The following TEKT4 variants were observed in gnomAD, a reference collection of about 807,000 sequenced individuals.
TEKT4 encodes the protein tektin 4, also known as tektin-4.
TEKT4 carries 46 observed loss-of-function variants against 46.0 expected under a neutral mutation model. That is an observed-to-expected ratio of 1.00 (90% CI 0.79 to 1.28). TEKT4 has a LOEUF of 1.28. TEKT4 is among the 50% of genes most tolerant of loss of function. The pLI is 0.00. For synonymous variants in TEKT4, 325 were observed against 265.8 expected (o/e 1.22, Z -2.17); for missense variants, 790 against 622.9 (o/e 1.27, Z -2.85).
intron 3 of TEKT4, among the ~76,000 whole-genome samples, chr2:94,874,469 C>A (rs1306732181): frequency 9.8e-6 from 1 of 102,444 alleles, no homozygotes; most frequent in African/African-American, 4.0e-5. Flanking sequence ...AGGGGGGCTG[C>A]GGGGGCCGGA....
intron 1 of TEKT4, 86 bp downstream of exon 1, chr2:94,872,163 G>C (rs1553394855): frequency 6.9e-7 from 1 of 1,447,290 alleles, no homozygotes; most frequent in Non-Finnish European, 9.1e-7. Context: ...AAGCCACGTG[G>C]CTGCTGCAAG....
At chr2:94,873,375 A>G in intron 1 of TEKT4, 145 bp from the exon 2 acceptor site, 2 of 1,496,232 alleles carry the variant, frequency 1.3e-6, no homozygotes, top group Non-Finnish European at 8.9e-7. Flanking sequence ...ACCCAGTGAG[A>G]GAGCAGAACT....
chr2:94,873,716 G>A (rs1186944484), intron 2 of TEKT4, 126 bp downstream of exon 2: 18 of 1,368,562 alleles, frequency 1.3e-5, no homozygotes, highest in Admixed American at 1.1e-4. Flanking sequence ...ACAGTGGAGC[G>A]CAGGACTGGG....
chr2:94,874,776 C>A lies in TEKT4; in HGVS notation c.714C>A (p.Ser238Arg), dbSNP rs782716982. 4 of 1,570,100 alleles carry A rather than the reference C, an allele frequency of 2.5e-6. No individual in the cohort carries two copies. Among genetic ancestry groups the A allele is most frequent in the South Asian group, 1.2e-5 (1 of 86,272 alleles). ...CTCCTGGCTGTCCCCCGCCCCGCAGCGCCTCCACCCCGGAGACCCGGGCCA... is the reference window on the plus strand; with the variant it reads ...CTCCTGGCTGTCCCCCGCCCCGCAGAGCCTCCACCCCGGAGACCCGGGCCA... Reference protein sequence around the residue: ...AHPYSTTFQESASTPETRAKF... With the variant: ...AHPYSTTFQERASTPETRAKF... Residue 238 changes from serine to arginine, a missense_variant and splice_region_variant, in exon 4 of 6, where the codon AGC (serine) becomes AGA (arginine). Ser to Arg is a moderately radical substitution (Grantham distance 110). Coordinates refer to ENST00000295201, the MANE Select transcript of TEKT4 (RefSeq NM_144705.4).
rs76125507 is a variant in TEKT4, at chr2:94,871,963, C to A, written c.384C>A (p.Arg128=). 9 of 1,601,012 alleles carry A rather than the reference C, an allele frequency of 5.6e-6. No individual in the cohort carries two copies. The highest frequency in any genetic ancestry group is 7.6e-6 in the Non-Finnish European group (9 of 1,177,094). ...TGGCCCAGAAGCAACGGCTGGAGCG[C>A]GCCCTGGACGCCACAGAGGTGCCCT... is the stretch of plus-strand genomic sequence containing the variant. The part of the protein sequence containing the change: ...LLLAQKQRLE[R]ALDATEVPFS... The change falls in exon 1 of 6, where the codon CGC becomes CGA. Residue 128 remains arginine (R), a synonymous_variant. Transcript: ENST00000295201.
Position 94,871,944 on chromosome 2 carries a change from A to G in TEKT4, c.365A>G (p.Gln122Arg). The G allele has an allele frequency of 1.2e-6, 2 of 1,601,614 alleles. No homozygotes were observed. Among genetic ancestry groups the G allele is most frequent in the Non-Finnish European group, 1.7e-6 (2 of 1,177,840 alleles). ...GCGGAGACCAACTTGCTCCTGGCCC[A>G]GAAGCAACGGCTGGAGCGCGCCCTG... ...LAAETNLLLA[Q>R]KQRLERALDA... The change falls in exon 1 of 6, where the codon CAG (glutamine) becomes CGG (arginine). Residue 122 changes from glutamine (Q) to arginine (R), a missense_variant. Transcript: ENST00000295201.
At chr2:94,875,912 C>A (rs113787473) in intron 5 of TEKT4, among the ~76,000 whole-genome samples, 170 bp downstream of exon 5, 10 of 152,212 alleles carry the variant, frequency 6.6e-5, no homozygotes, top group Non-Finnish European at 1.0e-4. Flanking sequence ...AACACACAGA[C>A]ATACACATGA....
chr2:94,874,100 C>T lies in TEKT4; in HGVS notation c.705C>T (p.Phe235=). 6.2e-7 allele frequency: 1 copy of T among 1,613,474 alleles called. No individual in the cohort carries two copies. The highest frequency in any genetic ancestry group is 1.1e-5 in the South Asian group (1 of 91,072). Residue 235 remains phenylalanine (F), a synonymous_variant, in exon 3 of 6, where the codon TTC becomes TTT. Coordinates refer to ENST00000295201, the MANE Select transcript of TEKT4 (RefSeq NM_144705.4). ...AGGCTCATCCGTACTCCACCACCTT[C>T]CAAGAGAGGTGGGCCCCAGCTCTGC... ...EVQAHPYSTT[F]QESASTPETR... is the part of the protein sequence containing the mutation.
chr2:94,872,314 C>T, intron 1 of TEKT4: 1 of 595,620 alleles, frequency 1.7e-6, no homozygotes, highest in Non-Finnish European at 2.9e-6. Flanking sequence ...CCCTTTGAGT[C>T]CTGGCACAGT....
chr2:94,871,919 G>A lies in TEKT4; in HGVS notation c.340G>A (p.Ala114Thr). The A allele has an allele frequency of 6.3e-7, 1 of 1,598,484 alleles. No individual in the cohort carries two copies. Among genetic ancestry groups the A allele is most frequent in the African/African-American group, 1.3e-5 (1 of 74,954 alleles). Residue 114 changes from alanine (A) to threonine (T), a missense_variant, in exon 1 of 6, where the codon GCG becomes ACG. Coordinates refer to ENST00000295201, the MANE Select transcript of TEKT4 (RefSeq NM_144705.4). ...ELQREMEALA[A>T]ETNLLLAQKQ... ...GCAGCGTGAGATGGAGGCGCTGGCT[G>A]CGGAGACCAACTTGCTCCTGGCCCA...
chr2:94,874,727 C>A (rs782446314), intron 3 of TEKT4, 49 bp from the exon 4 acceptor site: 1 of 1,482,460 alleles, frequency 6.7e-7, no homozygotes, highest in Non-Finnish European at 9.0e-7. Flanking sequence ...GGCTCCCAGC[C>A]TTCGGCAGAG....
chr2:94,873,906 G>A, intron 2 of TEKT4, 59 bp from the exon 3 acceptor site: 2 of 1,603,198 alleles, frequency 1.2e-6, no homozygotes, highest in Non-Finnish European at 1.7e-6. Flanking sequence ...GCAGCACAGA[G>A]GGTCCCCAGC....
At chr2:94,872,277 C>T (rs1363902375) in intron 1 of TEKT4, 200 bp downstream of exon 1, 7 of 651,080 alleles carry the variant, frequency 1.1e-5, no homozygotes, top group Non-Finnish European at 1.8e-5. Context: ...GACTTCCAAG[C>T]AGCTGTTTCT....
At position 94,875,578 on chromosome 2, in the gene TEKT4, C is replaced by G. The variant is rs1262007735; in HGVS notation, c.937-10C>G. ...GGGCACAGGCCCAAGGAGAACTGTC[C>G]TGTCTGCAGACACTGCGGGAAATCA... On this transcript the variant is annotated splice_polypyrimidine_tract_variant and intron_variant, in intron 4 of 5. Coordinates refer to ENST00000295201, the MANE Select transcript of TEKT4 (RefSeq NM_144705.4). 1 of 1,613,962 alleles carries G rather than the reference C, an allele frequency of 6.2e-7. No homozygotes were observed. Among genetic ancestry groups the G allele is most frequent in the Non-Finnish European group, 8.5e-7 (1 of 1,179,918 alleles).
At chr2:94,874,597 G>A (rs1417008649) in intron 3 of TEKT4, among the ~76,000 whole-genome samples, 179 bp from the exon 4 acceptor site, 9 of 151,896 alleles carry the variant, frequency 5.9e-5, no homozygotes, top group Non-Finnish European at 7.4e-5. Context: ...TTGTGGCCAG[G>A]GGGCACTCGG....
Position 94,871,638 on chromosome 2 carries a change from A to T in TEKT4, c.59A>T (p.Asn20Ile). The change falls in exon 1 of 6, where the codon AAC becomes ATC. Residue 20 changes from asparagine (N) to isoleucine (I), a missense_variant. By Grantham distance (149) the Asn-to-Ile change is moderately radical. Coordinates refer to ENST00000295201, the MANE Select transcript of TEKT4 (RefSeq NM_144705.4). ...LPCKEYDVAR[N>I]TGAYTSSGLA... The stretch of plus-strand genomic sequence containing the variant: ...TGCAAAGAGTACGACGTGGCCCGTA[A>T]CACGGGCGCCTACACGTCCTCCGGC... The T allele has an allele frequency of 6.2e-7, 1 of 1,612,480 alleles. No individual in the cohort carries two copies. The highest frequency in any genetic ancestry group is 2.2e-5 in the East Asian group (1 of 44,866).
At chr2:94,872,497 C>A (rs1680622821) in intron 1 of TEKT4, 1 of 320,054 alleles carries the variant, frequency 3.1e-6, no homozygotes, top group African/African-American at 2.1e-5. Context: ...CTATACAGAG[C>A]CGGGGACACA....
rs782312150 is a variant in TEKT4 at position 94,872,053 on chromosome 2, C to G, written c.474C>G (p.Asp158Glu). The change falls in exon 1 of 6, where the codon GAC becomes GAG. Residue 158 changes from aspartate to glutamate, a missense_variant. Physicochemically the swap from Asp to Glu is conservative, Grantham distance 45 (BLOSUM62 2). Coordinates refer to ENST00000295201, the MANE Select transcript of TEKT4 (RefSeq NM_144705.4). Reference protein sequence around the residue: ...ERREHPNLVRDHVETELLKEA... With the variant: ...ERREHPNLVREHVETELLKEA... ...GCGAGCACCCCAACCTCGTGCGCGA[C>G]CATGTGGAAACGGAGCTGCTGAAGG... 6.4e-7 allele frequency: 1 copy of G among 1,550,940 alleles called. No individual in the cohort carries two copies. The highest frequency in any genetic ancestry group is 1.4e-5 in the African/African-American group (1 of 73,226).
rs528064370 is a variant in TEKT4 at position 94,874,076 on chromosome 2, G to A, written c.681G>A (p.Gln227=). The change falls in exon 3 of 6, where the codon CAG becomes CAA. Residue 227 remains glutamine, a synonymous_variant. Coordinates refer to ENST00000295201, the MANE Select transcript of TEKT4 (RefSeq NM_144705.4). ...GRHHSQSTEV[Q]AHPYSTTFQE... The stretch of plus-strand genomic sequence containing the variant: ...ACCACAGCCAGAGCACCGAGGTGCA[G>A]GCTCATCCGTACTCCACCACCTTCC... 14 of 1,613,590 alleles carry A rather than the reference G, an allele frequency of 8.7e-6. No individual in the cohort carries two copies. The highest frequency in any genetic ancestry group is 5.0e-5 in the Admixed American group (3 of 60,026).
Sources: allele counts gnomAD v4.1 joint callset (sites outside exome capture counted in the v4.1 genomes callset), GRCh38; gene constraint gnomAD v4.1.1; transcripts MANE v1.5; gene names NCBI Gene and HGNC (gene_info 2026-07-23, HGNC 2026-07-21).